Variants in CRACDL observed in about 807,000 individuals in gnomAD.
CRACDL encodes the protein CRACD-like protein.
In CRACDL, 26 loss-of-function variants were observed where a neutral mutation model predicts 70.6. That is an observed-to-expected ratio of 0.37 (90% confidence interval 0.27 to 0.51). CRACDL has a LOEUF of 0.51. Ranked by LOEUF, CRACDL falls within the 20% of genes least tolerant of loss-of-function variation. CRACDL has a pLI of 0.94. For synonymous variants in CRACDL, 618 were observed against 615.2 expected (o/e 1.00, Z -0.07); for missense variants, 1,283 against 1,376.9 (o/e 0.93, Z 1.08).
At chr2:98,905,517 A>G (rs1285002453) in intron 1 of CRACDL, among the ~76,000 whole-genome samples, 1 of 152,182 alleles carries the variant, frequency 6.6e-6, no homozygotes, top group East Asian at 1.9e-4. Context: ...ACCCAGTCTC[A>G]GGTATTCTTT....
chr2:98,894,013 C>T (rs1266505444), intron 1 of CRACDL, among the ~76,000 whole-genome samples: 1 of 152,192 alleles, frequency 6.6e-6, no homozygotes, highest in African/African-American at 2.4e-5. Context: ...CAGCCAGGGT[C>T]AAGAAGCAAT....
chr2:98,911,771 G>A (rs1391790882), intron 1 of CRACDL, among the ~76,000 whole-genome samples: 1 of 151,996 alleles, frequency 6.6e-6, no homozygotes, highest in East Asian at 1.9e-4. Context: ...AGAACCTGAG[G>A]GTGTTTTGTT....
At chr2:98,881,826 A>G (rs1707660095) in intron 1 of CRACDL, among the ~76,000 whole-genome samples, 1 of 152,124 alleles carries the variant, frequency 6.6e-6, no homozygotes, top group Admixed American at 6.5e-5. Flanking sequence ...GGAGTCTCTG[A>G]AGTTGATCCA....
At chr2:98,824,822 C>T (rs1705239382) in intron 6 of CRACDL, among the ~76,000 whole-genome samples, 1 of 152,176 alleles carries the variant, frequency 6.6e-6, no homozygotes, top group East Asian at 1.9e-4. Flanking sequence ...CCAAAATGCA[C>T]AATCCTATTC....
In CRACDL at chr2:98,823,010, G is replaced by A. The variant is rs1351820100; in HGVS notation, c.1263C>T (p.Thr421=). ...CGTCGCGAGCAGAGGGCGCCTCTGAGGTGGCGGCGGGGTCAGTCTCGGGGG... is the reference window on the plus strand; with the variant it reads ...CGTCGCGAGCAGAGGGCGCCTCTGAAGTGGCGGCGGGGTCAGTCTCGGGGG... ...TTPPETDPAA[T]SEAPSARDGP... The change falls in exon 7 of 10, where the codon ACC becomes ACT. Residue 421 remains threonine, a synonymous_variant. Transcript: ENST00000397899. This position sits in a 1 kb window ranked among gnomAD's most constrained non-coding sequence, Gnocchi z 4.0. The A allele has an allele frequency of 2.0e-6, 3 of 1,515,790 alleles. No individual in the cohort carries two copies. The highest frequency in any genetic ancestry group is 2.7e-5 in the East Asian group (1 of 37,202). 93.9% of individuals were successfully genotyped at this position (1,515,790 alleles called of 1,614,324 possible).
At chr2:98,873,869 G>A (rs1278088951) in intron 1 of CRACDL, among the ~76,000 whole-genome samples, 1 of 152,174 alleles carries the variant, frequency 6.6e-6, no homozygotes, top group Non-Finnish European at 1.5e-5. Context: ...AGTTGGGCGT[G>A]GTGGCACATG....
intron 1 of CRACDL, among the ~76,000 whole-genome samples, chr2:98,915,547 C>G (rs1216775258): frequency 6.6e-6 from 1 of 152,122 alleles, no homozygotes; most frequent in African/African-American, 2.4e-5. Flanking sequence ...TGAAAGTCAC[C>G]TAGATCACAG....
rs1275204584 is a variant in CRACDL, at chr2:98,832,438, A to T, written c.450T>A (p.Asp150Glu). ...CGTCGTCCTCAGAGCTCATGCCGGC[A>T]TCCTCTCCCCGCTTGGCAGGAAGCC... ...PGGLPAKRGE[D>E]AGMSSEDDGL... The change falls in exon 5 of 10, where the codon GAT becomes GAA. Residue 150 changes from aspartate (D) to glutamate (E), a missense_variant. This residue lies in a region of CRACDL where 362 missense variants were observed against 495.0 expected (regional missense o/e 0.73). Coordinates refer to ENST00000397899, the MANE Select transcript of CRACDL (RefSeq NM_207362.3). 9 of 1,613,964 alleles carry T rather than the reference A, an allele frequency of 5.6e-6. No homozygotes were observed. Among genetic ancestry groups the T allele is most frequent in the Admixed American group, 1.7e-5 (1 of 60,000 alleles).
At chr2:98,802,297 C>T (rs958862860) in intron 7 of CRACDL, among the ~76,000 whole-genome samples, 1 of 152,266 alleles carries the variant, frequency 6.6e-6, no homozygotes, top group Non-Finnish European at 1.5e-5. Flanking sequence ...GCTCTCTCCT[C>T]CATGCACACG....
chr2:98,806,524 A>G (rs1336930475), intron 7 of CRACDL, among the ~76,000 whole-genome samples: 1 of 152,356 alleles, frequency 6.6e-6, no homozygotes, highest in Middle Eastern at 3.4e-3. Flanking sequence ...GCCGGGCTCA[A>G]CGGCACAGAG....
intron 1 of CRACDL, among the ~76,000 whole-genome samples, chr2:98,868,845 C>T (rs1245704937): frequency 1.3e-5 from 2 of 152,016 alleles, no homozygotes; most frequent in African/African-American, 4.8e-5. Flanking sequence ...GCGTGTGTGT[C>T]ATAAAGGAAA....
In CRACDL at chr2:98,874,313, AT is replaced by A. The variant is rs529341136; in HGVS notation, c.-10-27504del. On this transcript the variant is annotated intron_variant, in intron 1 of 9. Coordinates refer to ENST00000397899, the MANE Select transcript of CRACDL (RefSeq NM_207362.3). ...TAGATTACATTGATCCCTGATCAAA[AT>A]CGAAACAGGAAACCGCAGCTGCAGC... 3.9e-5 allele frequency among the ~76,000 whole-genome samples: 6 copies of A among 152,370 alleles called. No individual in the cohort carries two copies. The South Asian group carries it at 1.2e-3, about 32-fold the overall frequency.
intron 1 of CRACDL, among the ~76,000 whole-genome samples, chr2:98,910,396 C>G (rs1279744285): frequency 7.2e-5 from 11 of 151,988 alleles, no homozygotes; most frequent in Admixed American, 6.6e-5. Flanking sequence ...TGGTGCATGC[C>G]TGTAATCCCA....
Position 98,922,026 on chromosome 2 carries a change from T to C in CRACDL, c.-11+13912A>G, listed in dbSNP as rs149793437. ...AGTACAAAGGTGAATATATTAATAG[T>C]ATATATTAAAACATTTTATTTGACC... On this transcript the variant is annotated intron_variant, in intron 1 of 9. Transcript: ENST00000397899. 2.7e-3 allele frequency among the ~76,000 whole-genome samples: 414 copies of C among 152,358 alleles called. 2 individuals carry two copies. The highest frequency in any genetic ancestry group is 9.2e-3 in the African/African-American group (381 of 41,578).
intron 7 of CRACDL, among the ~76,000 whole-genome samples, chr2:98,819,332 T>C (rs1476369240): frequency 6.6e-6 from 1 of 152,208 alleles, no homozygotes; most frequent in Non-Finnish European, 1.5e-5. Context: ...TTGAGAGACA[T>C]TTTCAATTCT....
At chr2:98,817,708 G>A (rs536042513) in intron 7 of CRACDL, among the ~76,000 whole-genome samples, 40 of 152,186 alleles carry the variant, frequency 2.6e-4, no homozygotes, top group South Asian at 1.5e-3. Context: ...AATATTTGTT[G>A]AAAAAAAGAA....
At chr2:98,931,625 C>T (rs1240171879) in intron 1 of CRACDL, among the ~76,000 whole-genome samples, 8 of 152,238 alleles carry the variant, frequency 5.3e-5, no homozygotes, top group South Asian at 2.1e-4. Context: ...CCACACACCA[C>T]AGCCAGGAGA....
intron 9 of CRACDL, among the ~76,000 whole-genome samples, chr2:98,795,571 G>C (rs1442979105): frequency 6.6e-6 from 1 of 152,172 alleles, no homozygotes; most frequent in Non-Finnish European, 1.5e-5. Context: ...GGAAGTGACT[G>C]TAAATGGGCA....
chr2:98,876,916 T>C (rs1314451040), intron 1 of CRACDL, among the ~76,000 whole-genome samples: 1 of 152,250 alleles, frequency 6.6e-6, no homozygotes, highest in Admixed American at 6.5e-5. Context: ...GTCTACTGTC[T>C]AATGGGATTA....
Sources: gnomAD v4.1 joint callset for allele counts (sites outside exome capture counted in the v4.1 genomes callset) on GRCh38, gnomAD v4.1.1 for gene constraint, gnomAD v4.1.1 regional missense constraint, Gnocchi (gnomAD v3.1) non-coding constraint, MANE v1.5 for transcripts, NCBI Gene and HGNC (gene_info 2026-07-23, HGNC 2026-07-21) for gene names.